KCNIP4: variants seen among roughly 807,000 people sequenced by gnomAD.
KCNIP4 encodes the protein potassium voltage-gated channel interacting protein 4.
In KCNIP4, 12 loss-of-function variants were observed where a neutral mutation model predicts 34.0. The observed-to-expected ratio is 0.35, with a 90% CI of 0.23 to 0.57. The LOEUF (loss-of-function observed/expected upper bound fraction) is 0.57. Ranked by LOEUF, KCNIP4 falls within the 20% of genes least tolerant of loss-of-function variation. The pLI, the probability that KCNIP4 is intolerant of heterozygous loss-of-function variation, is 0.83. For synonymous variants in KCNIP4, 124 were observed against 102.2 expected (o/e 1.21, Z -1.29); for missense variants, 238 against 311.7 (o/e 0.76, Z 1.78).
At chr4:21,122,803 C>T (rs1167402039) in intron 1 of KCNIP4, among the ~76,000 whole-genome samples, 2 of 152,164 alleles carry the variant, frequency 1.3e-5, no homozygotes, top group Admixed American at 6.5e-5. Flanking sequence ...ACAACTGAGT[C>T]TGGTACCTTG....
intron 1 of KCNIP4, among the ~76,000 whole-genome samples, chr4:20,931,180 CACACACACACACACACAG>C (rs1442810604): frequency 2.1e-5 from 3 of 140,808 alleles, no homozygotes; most frequent in Admixed American, 7.7e-5. Flanking sequence ...ATGTGGTACA[CACACACACACACACACAG>C]ACACACACAC....
At chr4:21,397,392 T>A (rs1340442943) in intron 1 of KCNIP4, among the ~76,000 whole-genome samples, 2 of 152,272 alleles carry the variant, frequency 1.3e-5, no homozygotes. Context: ...CATTTATCAA[T>A]AGCATACTAA....
rs891090011 is a variant in KCNIP4 at position 21,195,497 on chromosome 4, G to A, written c.62-312788C>T. Among the ~76,000 whole-genome samples the A allele has an allele frequency of 5.3e-5, 8 of 152,094 alleles. 1 individual carries two copies. The highest frequency in any genetic ancestry group is 2.0e-4 in the Admixed American group (3 of 15,268). ...CACTGATGTTCATTTGTGAGCCCAG[G>A]TAGCTCAGATGCACTGTGCATTAAT... is the stretch of plus-strand genomic sequence containing the variant. On this transcript the variant is annotated intron_variant, in intron 1 of 8. Transcript: ENST00000382152.
chr4:21,514,821 C>T (rs76205018), intron 1 of KCNIP4, among the ~76,000 whole-genome samples: 3,508 of 152,256 alleles, frequency 0.023, 274 homozygotes, highest in South Asian at 0.13. Flanking sequence ...CTCTCCACTC[C>T]TTCCCAAGGA....
intron 1 of KCNIP4, among the ~76,000 whole-genome samples, chr4:21,314,999 A>G (rs1713580053): frequency 6.6e-6 from 1 of 152,016 alleles, no homozygotes; most frequent in South Asian, 2.1e-4. Context: ...TGATCTATTC[A>G]CTTCCTCAAG....
intron 1 of KCNIP4, among the ~76,000 whole-genome samples, chr4:20,905,512 T>TCTTTC (rs936961120): frequency 1.1e-5 from 1 of 94,428 alleles, no homozygotes; most frequent in Non-Finnish European, 2.3e-5. Flanking sequence ...TTTCTTTCTT[T>TCTTTC]TTTTTTTTTT....
At chr4:20,922,674 A>G (rs1007834425) in intron 1 of KCNIP4, among the ~76,000 whole-genome samples, 1 of 152,136 alleles carries the variant, frequency 6.6e-6, no homozygotes, top group Non-Finnish European at 1.5e-5. Context: ...CTTTATCTGA[A>G]AAATTAGAGC....
chr4:21,410,039 G>A (rs965908691), intron 1 of KCNIP4, among the ~76,000 whole-genome samples: 1 of 152,162 alleles, frequency 6.6e-6, no homozygotes, highest in Admixed American at 6.5e-5. Context: ...ACCAATTGCA[G>A]TTGATGGCAC....
At position 21,825,205 on chromosome 4, in the gene KCNIP4, G is replaced by A. The variant is rs370236318; in HGVS notation, c.61+123366C>T. ...AACATACTTTTTATCAAGTGCCACT[G>A]AGAGATGTGACCAATGCAGGAAGAA... On this transcript the variant is annotated intron_variant, in intron 1 of 8. Transcript: ENST00000382152. 2.5e-4 allele frequency among the ~76,000 whole-genome samples: 38 copies of A among 152,000 alleles called. No homozygotes were observed. In the East Asian group the frequency reaches 6.2e-3, roughly 25 times the overall value.
At chr4:21,117,254 C>A (rs1020966872) in intron 1 of KCNIP4, among the ~76,000 whole-genome samples, 1 of 143,442 alleles carries the variant, frequency 7.0e-6, no homozygotes, top group African/African-American at 2.5e-5. Flanking sequence ...CAGGTCCCAT[C>A]CCCAGAGTTT....
In KCNIP4 at chr4:21,356,515, A is replaced by G. The variant is rs191926054; in HGVS notation, c.62-473806T>C. On this transcript the variant is annotated intron_variant, in intron 1 of 8. Transcript: ENST00000382152. ...GCAAAAATCACAGGCATTCTTATAC[A>G]TCAATAACAGACAAACACAGAGCCA... is the stretch of plus-strand genomic sequence containing the variant. Among the ~76,000 whole-genome samples the G allele has an allele frequency of 5.2e-3, 787 of 152,324 alleles. 8 individuals are homozygous for G. Among genetic ancestry groups the G allele is most frequent in the African/African-American group, 0.018 (736 of 41,570 alleles).
Position 20,966,729 on chromosome 4 carries a change from A to T in KCNIP4, c.62-84020T>A, listed in dbSNP as rs116577967. On this transcript the variant is annotated intron_variant, in intron 1 of 8. Transcript: ENST00000382152. The stretch of plus-strand genomic sequence containing the variant: ...AGAAAATTATGTTTTTGGCAACTCT[A>T]TTCACAATGTTTGGGATTCTTCCTA... 3.0e-3 allele frequency among the ~76,000 whole-genome samples: 460 copies of T among 152,296 alleles called. 2 individuals carry two copies. The highest frequency in any genetic ancestry group is 0.011 in the African/African-American group (439 of 41,560).
intron 1 of KCNIP4, among the ~76,000 whole-genome samples, chr4:21,144,509 A>G (rs1752208770): frequency 6.6e-6 from 1 of 152,142 alleles, no homozygotes; most frequent in African/African-American, 2.4e-5. Flanking sequence ...AAGAGTCCCT[A>G]ATTGAAATAA....
chr4:20,808,355 T>C (rs1715331574), intron 3 of KCNIP4, among the ~76,000 whole-genome samples: 1 of 152,156 alleles, frequency 6.6e-6, no homozygotes, highest in Non-Finnish European at 1.5e-5. Context: ...AGAGGACACA[T>C]CAGACATAAT....
At chr4:21,535,411 C>T (rs945692968) in intron 1 of KCNIP4, among the ~76,000 whole-genome samples, 1 of 152,108 alleles carries the variant, frequency 6.6e-6, no homozygotes, top group Non-Finnish European at 1.5e-5. Flanking sequence ...GAGGATACTT[C>T]CCGGTAAGAC....
intron 1 of KCNIP4, among the ~76,000 whole-genome samples, chr4:21,783,570 T>A (rs1485668731): frequency 6.6e-6 from 1 of 151,906 alleles, no homozygotes; most frequent in Non-Finnish European, 1.5e-5. Context: ...GTACATTTAA[T>A]CAAAAGCAAA....
rs1553908529 is a variant in KCNIP4, at chr4:21,593,119, T to TGTTTG, written c.61+355451_61+355452insCAAAC. 1.0e-3 allele frequency among the ~76,000 whole-genome samples: 135 copies of TGTTTG among 134,982 alleles called. 2 individuals carry two copies. The South Asian group carries it at 0.03, about 30-fold the overall frequency. The allele number at this position is 134,982 out of a possible 152,430, so 88.6% of individuals were successfully genotyped here. On this transcript the variant is annotated intron_variant, in intron 1 of 8. Transcript: ENST00000382152. ...ATTTAAATAATGTGTGTGTGTGTGTTTGTGTGTGTGTGTGTGTGTGTGTGT... is the reference window on the plus strand; with the variant it reads ...ATTTAAATAATGTGTGTGTGTGTGTTGTTTGTGTGTGTGTGTGTGTGTGTGTGTGT...
intron 1 of KCNIP4, among the ~76,000 whole-genome samples, chr4:21,575,462 C>A (rs1055646621): frequency 6.6e-6 from 1 of 152,118 alleles, no homozygotes; most frequent in Non-Finnish European, 1.5e-5. Context: ...ATGTCCAATA[C>A]CTTACTGCTG....
At chr4:21,394,483 G>T (rs1027401960) in intron 1 of KCNIP4, among the ~76,000 whole-genome samples, 2 of 152,202 alleles carry the variant, frequency 1.3e-5, no homozygotes, top group South Asian at 4.1e-4. Context: ...ATCATGGCCA[G>T]TCAATTTTCA....
Sources: gnomAD v4.1 joint callset for allele counts (sites outside exome capture counted in the v4.1 genomes callset) on GRCh38, gnomAD v4.1.1 for gene constraint, MANE v1.5 for transcripts, NCBI Gene and HGNC (gene_info 2026-07-23, HGNC 2026-07-21) for gene names.